DCP1B: variants seen among roughly 807,000 people sequenced by gnomAD.
DCP1B encodes mRNA-decapping enzyme 1B.
A neutral mutation model predicts 60.5 loss-of-function variants in DCP1B; 47 were observed. That is an observed-to-expected ratio of 0.78 (90% confidence interval 0.61 to 0.99). The LOEUF (loss-of-function observed/expected upper bound fraction) is 0.99. Ranked by LOEUF, DCP1B falls within the 50% of genes least tolerant of loss-of-function variation. The pLI, the probability that DCP1B is intolerant of heterozygous loss-of-function variation, is 0.00. For synonymous variants in DCP1B, 267 were observed against 280.3 expected (o/e 0.95, Z 0.47); for missense variants, 725 against 756.8 (o/e 0.96, Z 0.49).
chr12:1,954,974 C>T (rs1387011780), intron 6 of DCP1B, among the ~76,000 whole-genome samples: 5 of 152,246 alleles, frequency 3.3e-5, no homozygotes, highest in African/African-American at 9.6e-5. Flanking sequence ...AGGGATCCTC[C>T]CGCCTCAGCC....
At chr12:1,959,018 G>A (rs571049856) in intron 5 of DCP1B, among the ~76,000 whole-genome samples, 2 of 147,252 alleles carry the variant, frequency 1.4e-5, no homozygotes, top group South Asian at 2.2e-4. Context: ...CTCCTGGAAG[G>A]AAACAGGGGG....
intron 3 of DCP1B, among the ~76,000 whole-genome samples, chr12:1,988,581 T>C (rs1321499019): frequency 1.3e-5 from 2 of 152,254 alleles, no homozygotes; most frequent in Non-Finnish European, 2.9e-5. Context: ...TTGTTTATTC[T>C]ATCTCTTTCG....
At position 1,950,240 on chromosome 12, in the gene DCP1B, T is replaced by C. The variant is rs561336119; in HGVS notation, c.1525-906A>G. 1.5e-5 allele frequency: 10 copies of C among 663,298 alleles called. No individual in the cohort carries two copies. The East Asian group carries it at 2.2e-4, about 14-fold the overall frequency. 41.1% of individuals were successfully genotyped at this position (663,298 alleles called of 1,614,324 possible). ...GCCTAGAGGAAGGCAGGCTGTTTCTTTTAACTTGTCCCTACATGACATTTC... is the reference window on the plus strand; with the variant it reads ...GCCTAGAGGAAGGCAGGCTGTTTCTCTTAACTTGTCCCTACATGACATTTC... On this transcript the variant is annotated intron_variant, in intron 7 of 8. Transcript: ENST00000280665.
At chr12:1,955,315 G>T in intron 6 of DCP1B, 117 bp downstream of exon 6, 1 of 1,212,098 alleles carries the variant, frequency 8.3e-7, no homozygotes, top group Non-Finnish European at 1.1e-6. Context: ...CCGCTTTCTT[G>T]GGTTTACCTG....
chr12:1,970,737 T>C (rs937766675), intron 3 of DCP1B: 7 of 185,948 alleles, frequency 3.8e-5, no homozygotes, highest in Admixed American at 3.5e-4. Flanking sequence ...GAAGTTCACA[T>C]TTCAATCCAA....
At chr12:1,972,940 T>A (rs979405267) in intron 3 of DCP1B, among the ~76,000 whole-genome samples, 6 of 152,198 alleles carry the variant, frequency 3.9e-5, no homozygotes, top group African/African-American at 1.4e-4. Context: ...GCAATGACGC[T>A]GCCTGTGTGC....
chr12:1,959,537 A>G (rs1273878551), intron 5 of DCP1B, among the ~76,000 whole-genome samples: 1 of 152,254 alleles, frequency 6.6e-6, no homozygotes, highest in Non-Finnish European at 1.5e-5. Context: ...CCACAGTGAA[A>G]TATCACCTCA....
downstream of DCP1B, among the ~76,000 whole-genome samples, chr12:1,945,892 G>A (rs112530122): frequency 3.9e-3 from 588 of 152,180 alleles, 6 homozygotes; most frequent in African/African-American, 0.013. Context: ...GCGGGGTGGG[G>A]GACTAGGGGA....
At position 2,004,411 on chromosome 12, in the gene DCP1B, G is replaced by C. The variant is rs1252333790; in HGVS notation, c.21C>G (p.Gly7=). Reference sequence around the variant, plus strand: ...TGTCGCGCCCCTTTCCCACCAGGCCGCCTGCCGCCACGGCTGCCATCTTCC... The same window carrying C: ...TGTCGCGCCCCTTTCCCACCAGGCCCCCTGCCGCCACGGCTGCCATCTTCC... MAAVAA[G]GLVGKGRDIS... Residue 7 remains glycine, a synonymous_variant, in exon 1 of 9, where the codon GGC becomes GGG. Coordinates refer to ENST00000280665, the MANE Select transcript of DCP1B (RefSeq NM_152640.5). 1.2e-6 allele frequency: 2 copies of C among 1,610,496 alleles called. No individual in the cohort carries two copies. Among genetic ancestry groups the C allele is most frequent in the Admixed American group, 1.7e-5 (1 of 59,858 alleles).
rs1322885333 is a variant in DCP1B at position 1,996,656 on chromosome 12, CAA to C, written c.191+1277_191+1278del. 7.3e-5 allele frequency among the ~76,000 whole-genome samples: 4 copies of C among 54,606 alleles called. 1 individual carries two copies. The highest frequency in any genetic ancestry group is 1.8e-4 in the African/African-American group (2 of 11,238). 35.8% of individuals were successfully genotyped at this position (54,606 alleles called of 152,430 possible). A position where few individuals can be genotyped will look rare whatever the true frequency, so the allele number is the denominator to read the frequency against. The stretch of plus-strand genomic sequence containing the variant: ...AAAAAAAAAAAAAAAAAAAAAAAAA[CAA>C]CAAACTCTTCTAATGTTTTAAAGAA... On this transcript the variant is annotated intron_variant, in intron 2 of 8. Transcript: ENST00000280665.
intron 3 of DCP1B, among the ~76,000 whole-genome samples, chr12:1,970,220 T>C (rs112946001): frequency 2.6e-5 from 4 of 152,184 alleles, no homozygotes; most frequent in African/African-American, 9.7e-5. Flanking sequence ...ACGGAACATC[T>C]TTCAAATGTC....
chr12:1,991,035 C>T (rs1476952757), intron 3 of DCP1B: 11 of 445,008 alleles, frequency 2.5e-5, no homozygotes, highest in Non-Finnish European at 1.3e-5. Flanking sequence ...AGATCCATTC[C>T]CTTTCACTCT....
chr12:2,000,766 G>T (rs2042002613), intron 1 of DCP1B, among the ~76,000 whole-genome samples: 1 of 152,228 alleles, frequency 6.6e-6, no homozygotes, highest in South Asian at 2.1e-4. Context: ...GCCGGGCACA[G>T]GGGCTCACGC....
intron 2 of DCP1B, 77 bp from the exon 3 acceptor site, chr12:1,993,468 C>A: frequency 1.3e-6 from 2 of 1,533,422 alleles, no homozygotes; most frequent in Non-Finnish European, 8.8e-7. Context: ...TAAGTACATT[C>A]TGATGTGTCT....
At chr12:1,995,065 C>T (rs1401308840) in intron 2 of DCP1B, among the ~76,000 whole-genome samples, 1 of 152,078 alleles carries the variant, frequency 6.6e-6, no homozygotes, top group Non-Finnish European at 1.5e-5. Flanking sequence ...TAAAAAACAG[C>T]AAAGGATTTT....
chr12:1,994,593 G>A (rs2040349469), intron 2 of DCP1B, among the ~76,000 whole-genome samples: 1 of 152,128 alleles, frequency 6.6e-6, no homozygotes, highest in Admixed American at 6.5e-5. Flanking sequence ...CTCTGTTAGG[G>A]GTCTTCTGGA....
chr12:1,999,354 T>C (rs1400576257), intron 1 of DCP1B, among the ~76,000 whole-genome samples: 1 of 152,208 alleles, frequency 6.6e-6, no homozygotes, highest in Admixed American at 6.5e-5. Context: ...CTATAAAAAA[T>C]CATTACCTAG....
intron 3 of DCP1B, among the ~76,000 whole-genome samples, chr12:1,972,011 A>T (rs570205433): frequency 6.6e-6 from 1 of 152,372 alleles, no homozygotes; most frequent in Non-Finnish European, 1.5e-5. Context: ...GTAAAATTTA[A>T]ATAGGCAGGA....
chr12:1,989,892 G>C (rs1051870159), intron 3 of DCP1B, among the ~76,000 whole-genome samples: 1 of 152,162 alleles, frequency 6.6e-6, no homozygotes, highest in Non-Finnish European at 1.5e-5. Context: ...TCAGCTTTTT[G>C]TTAAATTAGT....
Sources: allele counts gnomAD v4.1 joint callset (sites outside exome capture counted in the v4.1 genomes callset), GRCh38; gene constraint gnomAD v4.1.1; transcripts MANE v1.5; gene names NCBI Gene and HGNC (gene_info 2026-07-23, HGNC 2026-07-21).